CAMK1D: variants seen among roughly 807,000 people sequenced by gnomAD.
CAMK1D encodes the protein calcium/calmodulin-dependent protein kinase type 1D.
CAMK1D carries 9 observed loss-of-function variants against 47.7 expected under a neutral mutation model. The ratio of observed to expected loss-of-function variants is 0.19; its 90% confidence interval spans 0.11 to 0.33. The LOEUF (loss-of-function observed/expected upper bound fraction) is 0.33. Ranked by LOEUF, CAMK1D falls within the 10% of genes least tolerant of loss-of-function variation. The pLI is 1.00. For synonymous variants in CAMK1D, 184 were observed against 184.9 expected (o/e 0.99, Z 0.04); for missense variants, 291 against 488.7 (o/e 0.60, Z 3.81).
At chr10:12,636,336 T>C (rs1199009232) in intron 2 of CAMK1D, among the ~76,000 whole-genome samples, 2 of 152,218 alleles carry the variant, frequency 1.3e-5, no homozygotes, top group Admixed American at 1.3e-4. Flanking sequence ...GGTTTTTGTT[T>C]TGTTTTGTTG....
At chr10:12,643,012 G>A (rs1173564691) in intron 2 of CAMK1D, among the ~76,000 whole-genome samples, 4 of 152,066 alleles carry the variant, frequency 2.6e-5, no homozygotes, top group African/African-American at 7.2e-5. Flanking sequence ...GTTGTTGTTT[G>A]TTTGTTTGAC....
intron 8 of CAMK1D, among the ~76,000 whole-genome samples, chr10:12,822,782 ATG>A (rs1464590986): frequency 1.3e-5 from 2 of 152,088 alleles, no homozygotes; most frequent in Non-Finnish European, 1.5e-5. Flanking sequence ...CTTAATAAAG[ATG>A]TCTCTCATTC....
chr10:12,760,578 C>T (rs1195303547), intron 3 of CAMK1D: 1 of 175,962 alleles, frequency 5.7e-6, no homozygotes, highest in Admixed American at 5.5e-5. Flanking sequence ...TTTAAGGATA[C>T]TGTCTCATGC....
intron 2 of CAMK1D, among the ~76,000 whole-genome samples, chr10:12,565,503 C>T (rs1222383686): frequency 6.6e-6 from 1 of 152,220 alleles, no homozygotes; most frequent in Non-Finnish European, 1.5e-5. Context: ...ATCTGCCCGC[C>T]TCGGCCTCCC....
At chr10:12,555,458 A>G (rs1193727489) in intron 2 of CAMK1D, among the ~76,000 whole-genome samples, 2 of 152,212 alleles carry the variant, frequency 1.3e-5, no homozygotes, top group Non-Finnish European at 2.9e-5. Context: ...TGGATTGTCT[A>G]TTAGGAACCC....
In CAMK1D at chr10:12,630,388, T is replaced by TTTTA. The variant is rs112347508; in HGVS notation, c.225-36348_225-36347insTTTA. On this transcript the variant is annotated intron_variant, in intron 2 of 10. Coordinates refer to ENST00000619168, the MANE Select transcript of CAMK1D (RefSeq NM_153498.4). The stretch of plus-strand genomic sequence containing the variant: ...CTTTTTCTTTCTTTTTTTTTTTTTT[T>TTTTA]AAAAAAAAGACAGGATCTCACTCAG... 1.9e-3 allele frequency among the ~76,000 whole-genome samples: 271 copies of TTTTA among 142,300 alleles called. 2 individuals are homozygous for TTTTA. Among genetic ancestry groups the TTTTA allele is most frequent in the Middle Eastern group, 3.6e-3 (1 of 276 alleles). 93.4% of individuals were successfully genotyped at this position (142,300 alleles called of 152,430 possible). A position where few individuals can be genotyped will look rare whatever the true frequency, so the allele number is the denominator to read the frequency against.
intron 2 of CAMK1D, among the ~76,000 whole-genome samples, chr10:12,605,505 G>C (rs909754482): frequency 6.6e-6 from 1 of 152,086 alleles, no homozygotes; most frequent in African/African-American, 2.4e-5. Flanking sequence ...CCCAGCACCT[G>C]GTGATTCCAG....
intron 3 of CAMK1D, among the ~76,000 whole-genome samples, chr10:12,730,091 A>AG (rs979956716): frequency 1.3e-5 from 2 of 152,262 alleles, no homozygotes; most frequent in Admixed American, 6.5e-5. Context: ...AATGGACAGT[A>AG]GGGGGCAGTG....
At chr10:12,597,700 G>A (rs1401618967) in intron 2 of CAMK1D, among the ~76,000 whole-genome samples, 1 of 152,062 alleles carries the variant, frequency 6.6e-6, no homozygotes, top group Non-Finnish European at 1.5e-5. Context: ...CAGATCCTTG[G>A]CCAGTTCTTC....
At chr10:12,473,967 A>G (rs1292392691) in intron 1 of CAMK1D, among the ~76,000 whole-genome samples, 1 of 152,134 alleles carries the variant, frequency 6.6e-6, no homozygotes, top group Non-Finnish European at 1.5e-5. Context: ...ACCTATTTTT[A>G]AACCCAGGAT....
intron 1 of CAMK1D, among the ~76,000 whole-genome samples, chr10:12,479,619 C>T (rs1046165757): frequency 6.6e-6 from 1 of 152,234 alleles, no homozygotes; most frequent in Non-Finnish European, 1.5e-5. Flanking sequence ...CAGGGACTCT[C>T]ACCTGGGCCT....
intron 3 of CAMK1D, among the ~76,000 whole-genome samples, chr10:12,708,193 T>C (rs1443905922): frequency 6.6e-6 from 1 of 152,190 alleles, no homozygotes; most frequent in Non-Finnish European, 1.5e-5. Flanking sequence ...TATGCACCTC[T>C]TGCACTCTGC....
chr10:12,382,854 A>G (rs1838383129), intron 1 of CAMK1D, among the ~76,000 whole-genome samples: 1 of 152,154 alleles, frequency 6.6e-6, no homozygotes, highest in Non-Finnish European at 1.5e-5. Flanking sequence ...CATGACTTCA[A>G]GTAATAATAG....
chr10:12,432,507 GTGAA>G (rs1239878211), intron 1 of CAMK1D, among the ~76,000 whole-genome samples: 5 of 152,154 alleles, frequency 3.3e-5, no homozygotes, highest in Non-Finnish European at 7.4e-5. Context: ...GAGTTAATGT[GTGAA>G]TGAATGGGCA....
chr10:12,645,251 G>T (rs2132496411), intron 2 of CAMK1D, among the ~76,000 whole-genome samples: 1 of 152,178 alleles, frequency 6.6e-6, no homozygotes, highest in East Asian at 1.9e-4. Context: ...ATTCATTATT[G>T]GGCTATTATT....
At chr10:12,774,759 T>C (rs1448464494) in intron 5 of CAMK1D, among the ~76,000 whole-genome samples, 3 of 152,224 alleles carry the variant, frequency 2.0e-5, no homozygotes, top group Non-Finnish European at 4.4e-5. Context: ...TAGATTCTCA[T>C]GGGAGCTTGA....
intron 1 of CAMK1D, among the ~76,000 whole-genome samples, chr10:12,491,954 T>A (rs551539023): frequency 6.6e-6 from 1 of 152,128 alleles, no homozygotes; most frequent in Admixed American, 6.5e-5. Context: ...CCTGGCTAAT[T>A]TTTTATTTTT....
chr10:12,462,698 C>A (rs1473822992), intron 1 of CAMK1D, among the ~76,000 whole-genome samples: 1 of 151,838 alleles, frequency 6.6e-6, no homozygotes, highest in Non-Finnish European at 1.5e-5. Context: ...CTCTCATTCT[C>A]TTTTTTCTTT....
intron 3 of CAMK1D, among the ~76,000 whole-genome samples, chr10:12,716,859 T>C (rs2399843): frequency 0.99 from 150,454 of 152,236 alleles, 74,372 homozygotes; most frequent in Middle Eastern, 1. Flanking sequence ...ACCCGCGGCC[T>C]GGCTGTCGGG....
Sources: gnomAD v4.1 joint callset for allele counts (sites outside exome capture counted in the v4.1 genomes callset) on GRCh38, gnomAD v4.1.1 for gene constraint, MANE v1.5 for transcripts, NCBI Gene and HGNC (gene_info 2026-07-23, HGNC 2026-07-21) for gene names.